MFN1: variants seen among roughly 807,000 people sequenced by gnomAD.
MFN1 encodes the protein mitofusin 1.
Under a neutral mutation model 92.4 loss-of-function variants are expected in MFN1, and 65 were observed. The ratio of observed to expected loss-of-function variants is 0.70; its 90% CI spans 0.58 to 0.86. The LOEUF (loss-of-function observed/expected upper bound fraction) is 0.86. Among genes scored for constraint, MFN1 ranks in the 40% least tolerant of loss-of-function variants. The pLI, the probability that MFN1 is intolerant of heterozygous loss-of-function variation, is 0.00. For synonymous variants in MFN1, 297 were observed against 300.9 expected (o/e 0.99, Z 0.13); for missense variants, 781 against 868.0 (o/e 0.90, Z 1.26).
chr3:179,348,941 T>C lies in MFN1; in HGVS notation c.90T>C (p.Thr30=). Reference sequence around the variant, plus strand: ...TTGACCAGTTACTGGAGTTTGTTACTGAAGGATCACATTTTGTTGAAGGTT... The same window carrying C: ...TTGACCAGTTACTGGAGTTTGTTACCGAAGGATCACATTTTGTTGAAGGTT... ...AIFDQLLEFV[T]EGSHFVEATY... The change falls in exon 2 of 18, where the codon ACT becomes ACC. Residue 30 remains threonine, a synonymous_variant. Coordinates refer to ENST00000471841, the MANE Select transcript of MFN1 (RefSeq NM_033540.3). 1.3e-6 allele frequency: 2 copies of C among 1,591,460 alleles called. No individual in the cohort carries two copies. The highest frequency in any genetic ancestry group is 1.7e-6 in the Non-Finnish European group (2 of 1,162,184).
At chr3:179,370,573 G>A (rs1318183394) in intron 9 of MFN1, among the ~76,000 whole-genome samples, 1 of 151,670 alleles carries the variant, frequency 6.6e-6, no homozygotes, top group East Asian at 1.9e-4. Flanking sequence ...CACTACATCC[G>A]GCTAATTTTT....
At chr3:179,388,499 CAG>C (rs1361906163) in intron 16 of MFN1, among the ~76,000 whole-genome samples, 1 of 152,068 alleles carries the variant, frequency 6.6e-6, no homozygotes. Context: ...CCAGTCAAGT[CAG>C]GGTACAATAT....
At chr3:179,349,081 T>C in intron 2 of MFN1, 118 bp downstream of exon 2, 1 of 704,118 alleles carries the variant, frequency 1.4e-6, no homozygotes, top group Non-Finnish European at 2.2e-6. Context: ...CTATGAGAAG[T>C]ACCATAATGA....
chr3:179,349,228 A>C (rs1712041853), intron 2 of MFN1, among the ~76,000 whole-genome samples: 1 of 152,208 alleles, frequency 6.6e-6, no homozygotes, highest in Non-Finnish European at 1.5e-5. Flanking sequence ...TAGTTCATTT[A>C]ATTTTCATCA....
Position 179,386,432 on chromosome 3 carries a change from G to T in MFN1, c.1816-1G>T. On this transcript the variant is annotated splice_acceptor_variant, in intron 15 of 17. Transcript: ENST00000471841. LOFTEE classifies it high-confidence loss of function. ...GACTAAGCTATGACTTTATCTTACA[G>T]ATTTGGAAAACTATAGGCTGGAAAC... The T allele has an allele frequency of 6.2e-7, 1 of 1,610,016 alleles. No homozygotes were observed. Among genetic ancestry groups the T allele is most frequent in the Non-Finnish European group, 8.5e-7 (1 of 1,178,862 alleles).
Position 179,378,656 on chromosome 3 carries a change from G to A in MFN1, c.1504G>A (p.Asp502Asn). Residue 502 changes from aspartate to asparagine, a missense_variant, in exon 14 of 18, where the codon GAT becomes AAT. By Grantham distance (23) the Asp-to-Asn change is conservative. Transcript: ENST00000471841. Reference protein sequence around the residue: ...LHTLIPCKKFDLSYNLNYHKL... With the variant: ...LHTLIPCKKFNLSYNLNYHKL... ...TACACTGATCCCTTGCAAGAAATTT[G>A]ATCTCAGTTATAATCTAAATTACCA... 2 of 1,613,798 alleles carry A rather than the reference G, an allele frequency of 1.2e-6. No homozygotes were observed. The highest frequency in any genetic ancestry group is 2.2e-5 in the South Asian group (2 of 91,034).
chr3:179,356,997 G>A (rs747131051), intron 3 of MFN1, among the ~76,000 whole-genome samples: 2 of 152,188 alleles, frequency 1.3e-5, no homozygotes, highest in Non-Finnish European at 2.9e-5. Flanking sequence ...TACCCAAAGT[G>A]TAGAGGTCGT....
chr3:179,382,122 G>A (rs1211808380), intron 14 of MFN1, among the ~76,000 whole-genome samples: 4 of 151,834 alleles, frequency 2.6e-5, no homozygotes, highest in Admixed American at 1.3e-4. Flanking sequence ...TACACAACGT[G>A]CAGGTTTGTT....
At chr3:179,382,248 G>A (rs1009433059) in intron 14 of MFN1, among the ~76,000 whole-genome samples, 5 of 151,790 alleles carry the variant, frequency 3.3e-5, no homozygotes, top group Admixed American at 1.3e-4. Context: ...CAGGCCCCGG[G>A]GTGTGATGTT....
chr3:179,387,352 C>A (rs1713723914), intron 16 of MFN1, among the ~76,000 whole-genome samples: 1 of 152,030 alleles, frequency 6.6e-6, no homozygotes. Flanking sequence ...TCGAGAACAG[C>A]CTGGCCAACA....
rs58260395 is a variant in MFN1, at chr3:179,374,401, AAT to A, written c.976-807_976-806del. Among the ~76,000 whole-genome samples, 409 of 92,502 alleles carry A rather than the reference AAT, an allele frequency of 4.4e-3. 7 individuals are homozygous for A. Among genetic ancestry groups the A allele is most frequent in the African/African-American group, 0.023 (379 of 16,552 alleles). 60.7% of individuals were successfully genotyped at this position (92,502 alleles called of 152,430 possible). A position where few individuals can be genotyped will look rare whatever the true frequency, so the allele number is the denominator to read the frequency against. The stretch of plus-strand genomic sequence containing the variant: ...TATAACATATATAACATATATATGT[AAT>A]ATATATATATAAGATAACAAGTATT... On this transcript the variant is annotated intron_variant, in intron 9 of 17. Coordinates refer to ENST00000471841, the MANE Select transcript of MFN1 (RefSeq NM_033540.3).
In MFN1 at chr3:179,364,264, AATATAATACAATTTTT is replaced by A; in HGVS notation, c.537-30_537-15del. On this transcript the variant is annotated splice_polypyrimidine_tract_variant and intron_variant, in intron 5 of 17. Coordinates refer to ENST00000471841, the MANE Select transcript of MFN1 (RefSeq NM_033540.3). ...TGTAACCCAAATTTTCTTTTTAAGA[AATATAATACAATTTTT>A]ATTTCACTCTCATTAGTCCAGGCAC... is the stretch of plus-strand genomic sequence containing the variant. 3 of 1,447,866 alleles carry A rather than the reference AATATAATACAATTTTT, an allele frequency of 2.1e-6. No homozygotes were observed. Among genetic ancestry groups the A allele is most frequent in the Non-Finnish European group, 2.8e-6 (3 of 1,076,402 alleles). The allele number at this position is 1,447,866 out of a possible 1,614,324, so 89.7% of individuals were successfully genotyped here.
chr3:179,370,922 A>C lies in MFN1; in HGVS notation c.975+2819A>C, dbSNP rs181923931. 1.5e-3 allele frequency among the ~76,000 whole-genome samples: 222 copies of C among 152,186 alleles called. 1 individual carries two copies. Among genetic ancestry groups the C allele is most frequent in the Non-Finnish European group, 2.4e-3 (162 of 67,980 alleles). ...TTTTAAAATTCAAGTGTTTTGATTC[A>C]TTTTATCCAATTTTTGGTTACTAAT... is the stretch of plus-strand genomic sequence containing the variant. On this transcript the variant is annotated intron_variant, in intron 9 of 17. Transcript: ENST00000471841.
intron 16 of MFN1, among the ~76,000 whole-genome samples, chr3:179,387,869 C>CA (rs750045953): frequency 6.6e-6 from 1 of 151,714 alleles, no homozygotes; most frequent in Non-Finnish European, 1.5e-5. Flanking sequence ...GCTGGGACTA[C>CA]AGGTGCATGC....
chr3:179,387,584 CTTTTTTTT>C (rs769878779), intron 16 of MFN1, among the ~76,000 whole-genome samples: 66 of 82,290 alleles, frequency 8.0e-4, no homozygotes, highest in Admixed American at 2.4e-3. Context: ...TTTGTGGTTT[CTTTTTTTT>C]TTTTTTTTTT....
intron 3 of MFN1, among the ~76,000 whole-genome samples, chr3:179,358,589 A>G (rs1402704394): frequency 6.6e-6 from 1 of 152,230 alleles, no homozygotes; most frequent in Non-Finnish European, 1.5e-5. Context: ...TCGAATTGCC[A>G]CAAAAAGCAA....
At chr3:179,367,938 A>G (rs1490398170) in intron 8 of MFN1, 98 bp from the exon 9 acceptor site, 3 of 498,716 alleles carry the variant, frequency 6.0e-6, no homozygotes, top group Non-Finnish European at 8.5e-6. Context: ...GAAAAAGTAT[A>G]TATATATATA....
intron 3 of MFN1, 41 bp downstream of exon 3, chr3:179,352,076 T>G: frequency 6.4e-7 from 1 of 1,550,604 alleles, no homozygotes. Flanking sequence ...TTTCCAGGAA[T>G]CAGCTTTGTG....
At chr3:179,366,455 C>G (rs1712799265) in intron 7 of MFN1, among the ~76,000 whole-genome samples, 1 of 151,368 alleles carries the variant, frequency 6.6e-6, no homozygotes, top group Non-Finnish European at 1.5e-5. Flanking sequence ...GGAATTTGAA[C>G]TATAAATAAT....
Sources: allele counts gnomAD v4.1 joint callset (sites outside exome capture counted in the v4.1 genomes callset), GRCh38; gene constraint gnomAD v4.1.1; transcripts MANE v1.5; gene names NCBI Gene and HGNC (gene_info 2026-07-23, HGNC 2026-07-21).